Variants in KIF1A observed in about 807,000 individuals in gnomAD.
The protein encoded by KIF1A is kinesin family member 1A.
In KIF1A, 46 loss-of-function variants were observed where a neutral mutation model predicts 227.3. The ratio of observed to expected loss-of-function variants is 0.20; its 90% CI spans 0.16 to 0.26. The LOEUF (loss-of-function observed/expected upper bound fraction) is 0.26. KIF1A is among the 10% of genes least tolerant of loss of function. The pLI is 1.00. For synonymous variants in KIF1A, 1,022 were observed against 1,012.8 expected, an observed-to-expected ratio of 1.01 and a Z score of -0.17; for missense variants, 1,683 against 2,485.9, an observed-to-expected ratio of 0.68 and a Z score of 6.87.
intron 1 of KIF1A, among the ~76,000 whole-genome samples, chr2:240,808,931 T>C (rs2057653182): frequency 6.6e-6 from 1 of 151,968 alleles, no homozygotes; most frequent in African/African-American, 2.4e-5. Context: ...GGGGTTTCAC[T>C]GTGTTGGCCA....
intron 13 of KIF1A, 59 bp from the exon 14 acceptor site, chr2:240,772,655 G>T: frequency 2.2e-6 from 3 of 1,372,970 alleles, no homozygotes; most frequent in Non-Finnish European, 3.0e-6. Flanking sequence ...GAACAGGTTT[G>T]TCTCCAGAGG....
intron 32 of KIF1A, 107 bp downstream of exon 32, chr2:240,745,320 T>C: frequency 1.1e-6 from 1 of 904,376 alleles, no homozygotes; most frequent in African/African-American, 1.6e-5. Context: ...CACAAGGCAG[T>C]CCTGGCCCAC....
chr2:240,776,848 C>T (rs2052786161), intron 10 of KIF1A, among the ~76,000 whole-genome samples: 1 of 152,232 alleles, frequency 6.6e-6, no homozygotes, highest in South Asian at 2.1e-4. Context: ...GCTCCACCAG[C>T]TCACAAGGCA....
intron 16 of KIF1A, 69 bp from the exon 17 acceptor site, chr2:240,769,277 ACCAATGGG>A: frequency 7.2e-7 from 1 of 1,397,198 alleles, no homozygotes; most frequent in Non-Finnish European, 9.9e-7. Flanking sequence ...GCCCTGGCTG[ACCAATGGG>A]GGCAGCGGGC....
rs771656329 is a variant in KIF1A at position 240,767,231 on chromosome 2, G to T, written c.1577+35C>A. On this transcript the variant is annotated intron_variant, in intron 18 of 48. Transcript: ENST00000498729. ...CTTCCCCTGCCAGATCCCAGGGCCT[G>T]GCCAGGCTGGAGTGGCTGCCAGGTC... 5 of 1,562,196 alleles carry T rather than the reference G, an allele frequency of 3.2e-6. No homozygotes were observed. The African/African-American group carries it at 6.8e-5, about 21-fold the overall frequency.
intron 25 of KIF1A, among the ~76,000 whole-genome samples, chr2:240,759,716 T>C (rs2050287528): frequency 6.6e-6 from 1 of 152,150 alleles, no homozygotes; most frequent in African/African-American, 2.4e-5. Flanking sequence ...CCCCCGTAAC[T>C]TGAGGCCTGG....
chr2:240,750,798 C>T (rs1316791823), intron 27 of KIF1A, among the ~76,000 whole-genome samples: 1 of 147,138 alleles, frequency 6.8e-6, no homozygotes, highest in East Asian at 1.9e-4. Context: ...AGGCACAGTC[C>T]AGCTGGGCCC....
At chr2:240,751,881 C>T (rs1223887039) in intron 27 of KIF1A, among the ~76,000 whole-genome samples, 2 of 152,156 alleles carry the variant, frequency 1.3e-5, no homozygotes, top group African/African-American at 4.8e-5. Flanking sequence ...CTCAAGCCTC[C>T]TCAGAGGCCC....
At chr2:240,731,900 GGAGGGGA>G (rs2046659428) in intron 38 of KIF1A, among the ~76,000 whole-genome samples, 1 of 119,914 alleles carries the variant, frequency 8.3e-6, no homozygotes, top group Admixed American at 7.9e-5. Context: ...GAGGAGGGGA[GGAGGGGA>G]GGAGGGGAGG....
intron 38 of KIF1A, among the ~76,000 whole-genome samples, chr2:240,735,160 C>T (rs918679273): frequency 2.6e-5 from 4 of 152,180 alleles, no homozygotes; most frequent in Admixed American, 1.3e-4. Context: ...GCTGCCAGCA[C>T]GGGCAGGAGC....
intron 27 of KIF1A, among the ~76,000 whole-genome samples, chr2:240,754,769 C>T (rs541805359): frequency 2.2e-4 from 34 of 152,258 alleles, no homozygotes; most frequent in African/African-American, 7.2e-4. Context: ...CTCAGGATCT[C>T]GGGCCGAGAG....
intron 2 of KIF1A, 34 bp downstream of exon 2, chr2:240,797,613 G>T: frequency 6.7e-7 from 1 of 1,498,030 alleles, no homozygotes; most frequent in Non-Finnish European, 9.2e-7. Flanking sequence ...AGCAACCCAT[G>T]GCCGACCCCG....
chr2:240,758,880 C>A lies in KIF1A; in HGVS notation c.2445-383G>T, dbSNP rs1575584324. ...ATCAGGCCACAGAGGCGCAAGAGCT[C>A]GAGGAATAAAGGGCAAACTGGGGGT... is the stretch of plus-strand genomic sequence containing the variant. On this transcript the variant is annotated intron_variant, in intron 25 of 48. Transcript: ENST00000498729. This position sits in a 1 kb window ranked among gnomAD's most constrained non-coding sequence, Gnocchi z 5.2. Among the ~76,000 whole-genome samples, 1 of 151,988 alleles carries A rather than the reference C, an allele frequency of 6.6e-6. No homozygotes were observed. Among genetic ancestry groups the A allele is most frequent in the Non-Finnish European group, 1.5e-5 (1 of 68,002 alleles).
At position 240,744,009 on chromosome 2, in the gene KIF1A, T is replaced by C; in HGVS notation, c.3517A>G (p.Ile1173Val). Reference sequence around the variant, plus strand: ...TAGTGGCCAAAGACCTCGAAAACAATGGGCTGGCTCTTGATGTACTCAATG... The same window carrying C: ...TAGTGGCCAAAGACCTCGAAAACAACGGGCTGGCTCTTGATGTACTCAATG... ...SFIEYIKSQPIVFEVFGHYQQ... is the reference protein window; with the variant it reads ...SFIEYIKSQPVVFEVFGHYQQ... The change falls in exon 33 of 49, where the codon ATT (isoleucine) becomes GTT (valine). Residue 1173 changes from isoleucine to valine, a missense_variant. Coordinates refer to ENST00000498729, the MANE Select transcript of KIF1A (RefSeq NM_001244008.2). 6.2e-7 allele frequency: 1 copy of C among 1,613,654 alleles called. No homozygotes were observed. Among genetic ancestry groups the C allele is most frequent in the African/African-American group, 1.3e-5 (1 of 74,972 alleles).
chr2:240,734,502 A>G (rs1459789169), intron 38 of KIF1A, among the ~76,000 whole-genome samples: 2 of 152,224 alleles, frequency 1.3e-5, no homozygotes. Context: ...AGCCAAGAGG[A>G]CAGGGTGGGA....
At chr2:240,737,421 T>C (rs1474028243) in intron 37 of KIF1A, 7 of 331,928 alleles carry the variant, frequency 2.1e-5, no homozygotes, top group Non-Finnish European at 4.0e-5. Context: ...ATACACACAC[T>C]GACAAATGCA....
At position 240,781,813 on chromosome 2, in the gene KIF1A, C is replaced by T. The variant is rs1197863007; in HGVS notation, c.882+777G>A. On this transcript the variant is annotated intron_variant, in intron 10 of 48. Coordinates refer to ENST00000498729, the MANE Select transcript of KIF1A (RefSeq NM_001244008.2). ...TGGCTCCCACTCGGGTTCGCCACAC[C>T]GTTCTCCACAGTTCCCCACTCAGTC... The T allele has an allele frequency of 8.1e-6, 8 of 985,310 alleles. No homozygotes were observed. The East Asian group carries it at 3.4e-4, about 42-fold the overall frequency. The allele number at this position is 985,310 out of a possible 1,614,324, so 61.0% of individuals were successfully genotyped here. A position where few individuals can be genotyped will look rare whatever the true frequency, so the allele number is the denominator to read the frequency against.
rs2056796908 is a variant in KIF1A, at chr2:240,799,786, G to C, written c.-60-1974C>G. Among the ~76,000 whole-genome samples, 3 of 152,170 alleles carry C rather than the reference G, an allele frequency of 2.0e-5. No homozygotes were observed. In the South Asian group the frequency reaches 6.2e-4, roughly 32 times the overall value. The stretch of plus-strand genomic sequence containing the variant: ...ACGCCCTGGGCCTTTAAGAAGGTCT[G>C]TATCCCTTGACTCAGTAATCCCAAG... On this transcript the variant is annotated intron_variant, in intron 1 of 48. Coordinates refer to ENST00000498729, the MANE Select transcript of KIF1A (RefSeq NM_001244008.2).
intron 1 of KIF1A, among the ~76,000 whole-genome samples, chr2:240,810,032 T>C (rs2126222793): frequency 6.6e-6 from 1 of 152,292 alleles, no homozygotes; most frequent in African/African-American, 2.4e-5. Context: ...CAGGTTAGTC[T>C]CAAGCTCCTG....
Sources: allele counts gnomAD v4.1 joint callset (sites outside exome capture counted in the v4.1 genomes callset), GRCh38; gene constraint gnomAD v4.1.1; non-coding constraint Gnocchi (gnomAD v3.1); transcripts MANE v1.5; gene names NCBI Gene and HGNC (gene_info 2026-07-23, HGNC 2026-07-21).